Variants in NGLY1 observed in about 807,000 individuals in gnomAD.
The protein encoded by NGLY1 is peptide-N(4)-(N-acetyl-beta-glucosaminyl)asparagine amidase.
Under a neutral mutation model 84.6 loss-of-function variants are expected in NGLY1, and 68 were observed. That is an observed-to-expected ratio of 0.80 (90% confidence interval 0.66 to 0.98). NGLY1 has a LOEUF of 0.98. Ranked by LOEUF, NGLY1 falls within the 50% of genes least tolerant of loss-of-function variation. NGLY1 has a pLI of 0.00. For synonymous variants in NGLY1, 280 were observed against 275.2 expected (o/e 1.02, Z -0.17); for missense variants, 779 against 770.2 (o/e 1.01, Z -0.14).
intron 9 of NGLY1, chr3:25,730,139 C>T (rs1001390389): frequency 6.6e-6 from 1 of 151,934 alleles, no homozygotes; most frequent in Admixed American, 6.6e-5. Context: ...AAATCCCAGG[C>T]AATCTTTGCA....
At chr3:25,781,966 C>T (rs866588021) in intron 1 of NGLY1, among the ~76,000 whole-genome samples, 5 of 152,054 alleles carry the variant, frequency 3.3e-5, no homozygotes, top group East Asian at 1.9e-4. Flanking sequence ...TTATGGAGTC[C>T]CTTGGCATCC....
At chr3:25,750,682 G>T (rs537902390) in intron 4 of NGLY1, among the ~76,000 whole-genome samples, 35 of 152,004 alleles carry the variant, frequency 2.3e-4, no homozygotes, top group African/African-American at 5.3e-4. Context: ...GGTGATATGT[G>T]ACCATGAGGT....
intron 8 of NGLY1, among the ~76,000 whole-genome samples, chr3:25,733,466 C>CGTGTGTGTGTGTGT (rs60529800): frequency 4.5e-5 from 6 of 134,124 alleles, no homozygotes; most frequent in African/African-American, 1.7e-4. Context: ...CTCACATGGA[C>CGTGTGTGTGTGTGT]GTGTGTGTGT....
Position 25,789,997 on chromosome 3 carries a change from A to G in NGLY1, c.-132T>C, listed in dbSNP as rs1708689881. ...GCCAAGGTGACGCGGCTTAAAGTCAACCGGCGGAAAGAGAGTCGAACGGGA... is the reference window on the plus strand; with the variant it reads ...GCCAAGGTGACGCGGCTTAAAGTCAGCCGGCGGAAAGAGAGTCGAACGGGA... On this transcript the variant is annotated 5_prime_UTR_variant, in exon 1 of 12. Coordinates refer to the NGLY1 transcript ENST00000417874. The G allele has an allele frequency of 7.0e-6, 8 of 1,143,798 alleles. No individual in the cohort carries two copies. The East Asian group carries it at 1.5e-4, about 22-fold the overall frequency. The allele number at this position is 1,143,798 out of a possible 1,614,324, so 70.9% of individuals were successfully genotyped here. A position where few individuals can be genotyped will look rare whatever the true frequency, so the allele number is the denominator to read the frequency against.
chr3:25,726,435 G>A (rs540972653), intron 10 of NGLY1, among the ~76,000 whole-genome samples: 1 of 152,250 alleles, frequency 6.6e-6, no homozygotes, highest in African/African-American at 2.4e-5. Context: ...ATGAAAGAGA[G>A]GTATATGGTA....
chr3:25,785,925 C>T (rs1708593369), upstream of NGLY1, among the ~76,000 whole-genome samples: 4 of 152,116 alleles, frequency 2.6e-5, no homozygotes, highest in South Asian at 6.2e-4. Flanking sequence ...TTTGTCTTCC[C>T]TATTTGATTA....
chr3:25,751,080 AT>A lies in NGLY1; in HGVS notation c.658+17del, dbSNP rs757506623. On this transcript the variant is annotated intron_variant, in intron 4 of 11. Coordinates refer to ENST00000280700, the MANE Select transcript of NGLY1 (RefSeq NM_018297.4). ...AATGATTTACATTTAGCAATAAATGATTATGTAAAGCTACTACCTTTATCCA... is the reference window on the plus strand; with the variant it reads ...AATGATTTACATTTAGCAATAAATGATATGTAAAGCTACTACCTTTATCCA... The A allele has an allele frequency of 6.3e-7, 1 of 1,598,596 alleles. No individual in the cohort carries two copies. The highest frequency in any genetic ancestry group is 8.5e-7 in the Non-Finnish European group (1 of 1,172,124).
intron 4 of NGLY1, among the ~76,000 whole-genome samples, chr3:25,747,808 T>C (rs1419464914): frequency 6.6e-6 from 1 of 152,178 alleles, no homozygotes; most frequent in Admixed American, 6.5e-5. Flanking sequence ...ACTAGAGCCA[T>C]AAACTGGTAA....
At chr3:25,725,464 GGA>G (rs1301262261) in intron 10 of NGLY1, among the ~76,000 whole-genome samples, 2 of 152,222 alleles carry the variant, frequency 1.3e-5, no homozygotes, top group Non-Finnish European at 2.9e-5. Context: ...CTGACTCCAA[GGA>G]GAGAGTCATA....
rs182493297 is a variant in NGLY1 at position 25,763,609 on chromosome 3, T to G, written c.492+457A>C. On this transcript the variant is annotated intron_variant, in intron 3 of 11. Transcript: ENST00000280700. ...AAGGACCTTGGTCAAAAGAGATTTT[T>G]GTAAACAGGATAATTTCCTATCAAA... Among the ~76,000 whole-genome samples, 438 of 152,364 alleles carry G rather than the reference T, an allele frequency of 2.9e-3. 1 individual carries two copies. The highest frequency in any genetic ancestry group is 9.6e-3 in the African/African-American group (401 of 41,588).
chr3:25,789,743 C>T (rs1258851604), intron 1 of NGLY1: 2 of 1,246,504 alleles, frequency 1.6e-6, no homozygotes, highest in Non-Finnish European at 1.1e-6. Flanking sequence ...AGAGAATTTC[C>T]TTAATTCTTT....
intron 4 of NGLY1, among the ~76,000 whole-genome samples, chr3:25,748,369 A>G (rs531678587): frequency 1.3e-5 from 2 of 152,110 alleles, no homozygotes; most frequent in East Asian, 3.9e-4. Flanking sequence ...CCTAAAGACA[A>G]TGGGGGAGAC....
At chr3:25,782,461 G>T (rs553452174) in intron 1 of NGLY1, among the ~76,000 whole-genome samples, 50 of 152,244 alleles carry the variant, frequency 3.3e-4, no homozygotes, top group Admixed American at 2.8e-3. Flanking sequence ...CATTTGATCT[G>T]AAGAGTTGAG....
At chr3:25,755,718 G>T in intron 3 of NGLY1, 1 of 1,312,306 alleles carries the variant, frequency 7.6e-7, no homozygotes, top group Non-Finnish European at 1.1e-6. Context: ...CAAAAGGAAA[G>T]CTGGTTTTGA....
chr3:25,719,882 ATTT>A (rs5847370), intron 11 of NGLY1, 129 bp downstream of exon 11: 106 of 598,078 alleles, frequency 1.8e-4, no homozygotes, highest in South Asian at 3.3e-4. Flanking sequence ...GGTTTATTAA[ATTT>A]TTTTTTTTTT....
chr3:25,768,789 A>T (rs1379077531), intron 2 of NGLY1, among the ~76,000 whole-genome samples: 1 of 151,610 alleles, frequency 6.6e-6, no homozygotes, highest in Non-Finnish European at 1.5e-5. Flanking sequence ...TGATCCGCCC[A>T]CCTTGGCCTC....
At chr3:25,751,339 G>T in intron 3 of NGLY1, 76 bp from the exon 4 acceptor site, 1 of 1,238,840 alleles carries the variant, frequency 8.1e-7, no homozygotes, top group Non-Finnish European at 1.1e-6. Flanking sequence ...AAAAACTGTG[G>T]TTTTATGATT....
intron 6 of NGLY1, 177 bp from the exon 7 acceptor site, chr3:25,736,326 T>C: frequency 1.3e-6 from 2 of 1,551,554 alleles, no homozygotes; most frequent in Middle Eastern, 3.3e-4. Flanking sequence ...AATTTCTGTC[T>C]CTTTGAAATC....
At chr3:25,764,372 C>A in intron 2 of NGLY1, 61 bp from the exon 3 acceptor site, 1 of 1,472,628 alleles carries the variant, frequency 6.8e-7, no homozygotes, top group Admixed American at 2.0e-5. Flanking sequence ...TTCTTTTGTG[C>A]ACACACACAC....
Sources: gnomAD v4.1 joint callset for allele counts (sites outside exome capture counted in the v4.1 genomes callset) on GRCh38, gnomAD v4.1.1 for gene constraint, MANE v1.5 for transcripts, NCBI Gene and HGNC (gene_info 2026-07-23, HGNC 2026-07-21) for gene names.